The following DTX2 variants were observed in gnomAD, a reference collection of about 807,000 sequenced individuals.
DTX2 encodes probable E3 ubiquitin-protein ligase DTX2.
Under a neutral mutation model 55.3 loss-of-function variants are expected in DTX2, and 29 were observed. That is an observed-to-expected ratio of 0.52 (90% CI 0.39 to 0.71). The LOEUF is 0.71. DTX2 is among the 30% of genes least tolerant of loss of function. DTX2 has a pLI of 0.00. For missense variants in DTX2, 537 were observed against 822.5 expected (o/e 0.65, Z 4.25); for synonymous variants, 276 against 340.4 (o/e 0.81, Z 2.08).
At chr7:76,474,326 A>G (rs147393790) in intron 2 of DTX2, among the ~76,000 whole-genome samples, 2 of 151,174 alleles carry the variant, frequency 1.3e-5, no homozygotes, top group Non-Finnish European at 2.9e-5. Context: ...AAACGCTGAG[A>G]TTACAGGTGT....
chr7:76,468,138 C>A (rs1394492328), intron 2 of DTX2, among the ~76,000 whole-genome samples: 1 of 152,286 alleles, frequency 6.6e-6, no homozygotes, highest in Admixed American at 6.5e-5. Context: ...TTATCAACGC[C>A]CGGTGTGGCT....
chr7:76,480,298 C>G, intron 2 of DTX2, 123 bp from the exon 3 acceptor site: 2 of 569,708 alleles, frequency 3.5e-6, no homozygotes, highest in East Asian at 3.0e-5. Flanking sequence ...GAGTGAGACC[C>G]TGTAACCAAA....
In DTX2 at chr7:76,505,858, G is replaced by A. The variant is rs1413090637; in HGVS notation, c.*257G>A. The A allele has an allele frequency of 6.8e-6, 4 of 590,200 alleles. No homozygotes were observed. The highest frequency in any genetic ancestry group is 5.6e-5 in the African/African-American group (3 of 53,680). 36.6% of individuals were successfully genotyped at this position (590,200 alleles called of 1,614,324 possible). A position where few individuals can be genotyped will look rare whatever the true frequency, so the allele number is the denominator to read the frequency against. Reference sequence around the variant, plus strand: ...GTGCGCAGGGCCCGTCTGTCCTCTGGGGGCTGCTTCGGGCCCGCGGTGCTC... The same window carrying A: ...GTGCGCAGGGCCCGTCTGTCCTCTGAGGGCTGCTTCGGGCCCGCGGTGCTC... On this transcript the variant is annotated 3_prime_UTR_variant, in exon 11 of 11. Transcript: ENST00000430490. This position sits in a 1 kb window ranked among gnomAD's most constrained non-coding sequence, Gnocchi z 4.4.
At chr7:76,470,190 TA>T in intron 2 of DTX2, 1 of 398,610 alleles carries the variant, frequency 2.5e-6, no homozygotes, top group South Asian at 2.3e-5. Context: ...AACGTGGCTG[TA>T]ACTGTCTTTC....
chr7:76,491,234 G>A (rs1173621494), intron 4 of DTX2, among the ~76,000 whole-genome samples: 2 of 151,012 alleles, frequency 1.3e-5, no homozygotes, highest in Admixed American at 6.6e-5. Flanking sequence ...CTGACCTCGC[G>A]ATCCACCCAC....
At chr7:76,469,583 CAG>C (rs1292424682) in intron 2 of DTX2, among the ~76,000 whole-genome samples, 1 of 149,794 alleles carries the variant, frequency 6.7e-6, no homozygotes, top group Non-Finnish European at 1.5e-5. Flanking sequence ...TTAGTAGAGA[CAG>C]GGTTTCACTG....
rs147150115 is a variant in DTX2 at position 76,480,640 on chromosome 7, A to G, written c.131A>G (p.Gln44Arg). 1.2e-6 allele frequency: 2 copies of G among 1,613,550 alleles called. No homozygotes were observed. The highest frequency in any genetic ancestry group is 1.3e-5 in the African/African-American group (1 of 74,916). ...YSATVCSFIE[Q>R]QFVQQKGQRF... The stretch of plus-strand genomic sequence containing the variant: ...GCCACCGTCTGCAGCTTCATCGAGC[A>G]GCAGTTTGTCCAGCAGAAGGGCCAA... Residue 44 changes from glutamine (Q) to arginine (R), a missense_variant, in exon 3 of 11, where the codon CAG (glutamine) becomes CGG (arginine). Gln to Arg is a conservative substitution (Grantham distance 43, BLOSUM62 1). This residue lies in a region of DTX2 where 301 missense variants were observed against 396.6 expected (regional missense o/e 0.76). Coordinates refer to ENST00000430490, the MANE Select transcript of DTX2 (RefSeq NM_001102594.3).
chr7:76,469,413 G>A (rs1176747364), intron 2 of DTX2, among the ~76,000 whole-genome samples: 34 of 104,672 alleles, frequency 3.2e-4, no homozygotes, highest in Non-Finnish European at 5.5e-4. Context: ...TTTTTTTTGA[G>A]ACGGATTCTC....
chr7:76,471,442 T>G (rs1223985172), intron 2 of DTX2, among the ~76,000 whole-genome samples: 1 of 150,818 alleles, frequency 6.6e-6, no homozygotes, highest in Non-Finnish European at 1.5e-5. Context: ...ATTACAGGTG[T>G]GAGCCACCGC....
At chr7:76,499,956 C>T (rs907433472) in intron 6 of DTX2, 12 of 351,500 alleles carry the variant, frequency 3.4e-5, no homozygotes, top group African/African-American at 1.9e-4. Context: ...TGGCGGTCGG[C>T]GTGTGTGCAG....
At chr7:76,474,825 A>G (rs1259313066) in intron 2 of DTX2, 3 of 151,848 alleles carry the variant, frequency 2.0e-5, no homozygotes, top group African/African-American at 7.3e-5. Context: ...GACTAGAAAG[A>G]CTTTTGGATA....
chr7:76,483,972 G>T (rs916994831), intron 4 of DTX2, among the ~76,000 whole-genome samples: 5 of 149,464 alleles, frequency 3.3e-5, no homozygotes, highest in African/African-American at 1.2e-4. Flanking sequence ...CAGGAGGATT[G>T]CTGGAGACCA....
intron 6 of DTX2, among the ~76,000 whole-genome samples, chr7:76,499,276 G>A (rs1487496522): frequency 1.0e-5 from 1 of 96,202 alleles, no homozygotes; most frequent in East Asian, 3.0e-4. Context: ...CGTCTTTCCC[G>A]TTTGAGATCA....
At chr7:76,498,855 A>G (rs1279847943) in intron 6 of DTX2, among the ~76,000 whole-genome samples, 3 of 79,190 alleles carry the variant, frequency 3.8e-5, no homozygotes, top group Non-Finnish European at 2.3e-5. Context: ...GGGTGTGTGG[A>G]GGTGAGGGTG....
intron 4 of DTX2, 145 bp downstream of exon 4, chr7:76,483,292 C>G (rs1396526695): frequency 8.7e-7 from 1 of 1,155,858 alleles, no homozygotes; most frequent in Admixed American, 2.8e-5. Context: ...ATGTGGGTGC[C>G]GAGGTGCCGT....
intron 6 of DTX2, among the ~76,000 whole-genome samples, chr7:76,499,011 A>G (rs142622275): frequency 1.8e-4 from 2 of 11,176 alleles, no homozygotes; most frequent in East Asian, 2.5e-3. Flanking sequence ...GGTGTGTAGA[A>G]GTGTGGGGTG....
At chr7:76,482,365 A>T in intron 3 of DTX2, 143 bp from the exon 4 acceptor site, 4 of 1,057,708 alleles carry the variant, frequency 3.8e-6, no homozygotes, top group Non-Finnish European at 5.5e-6. Context: ...GCCTCTAACA[A>T]TAAATAAATA....
At chr7:76,490,056 G>A (rs539503561) in intron 4 of DTX2, among the ~76,000 whole-genome samples, 1 of 94,098 alleles carries the variant, frequency 1.1e-5, no homozygotes, top group African/African-American at 4.6e-5. Context: ...GGCTGGGCAC[G>A]GTGGCTCACT....
Position 76,483,069 on chromosome 7 carries a change from A to G in DTX2, c.830A>G (p.Gln277Arg). ...WGAAPPSLGSQPLYRSSLSHL... is the reference protein window; with the variant it reads ...WGAAPPSLGSRPLYRSSLSHL... ...GCAGCTCCTCCTTCCCTGGGGAGCC[A>G]GCCCCTCTACCGCTCCAGCCTCTCC... Residue 277 changes from glutamine (Q) to arginine (R), a missense_variant, in exon 4 of 11, where the codon CAG becomes CGG. This residue lies in a region of DTX2 where 301 missense variants were observed against 396.6 expected (regional missense o/e 0.76). Transcript: ENST00000430490. The G allele has an allele frequency of 6.2e-7, 1 of 1,613,102 alleles. No homozygotes were observed. Among genetic ancestry groups the G allele is most frequent in the South Asian group, 1.1e-5 (1 of 91,058 alleles).
Sources: gnomAD v4.1 joint callset for allele counts (sites outside exome capture counted in the v4.1 genomes callset) on GRCh38, gnomAD v4.1.1 for gene constraint, gnomAD v4.1.1 regional missense constraint, Gnocchi (gnomAD v3.1) non-coding constraint, MANE v1.5 for transcripts, NCBI Gene and HGNC (gene_info 2026-07-23, HGNC 2026-07-21) for gene names.